The following CUX1 variants were observed in gnomAD, a reference collection of about 807,000 sequenced individuals.
CUX1 encodes the protein protein CASP.
Under a neutral mutation model 158.8 loss-of-function variants are expected in CUX1, and 31 were observed. That is an observed-to-expected ratio of 0.20 (90% confidence interval 0.15 to 0.26). The LOEUF is 0.26. Among genes scored for constraint, CUX1 ranks in the 10% least tolerant of loss-of-function variants. The pLI is 1.00. For synonymous variants in CUX1, 879 were observed against 862.1 expected (o/e 1.02, Z -0.34); for missense variants, 1,589 against 2,014.6 (o/e 0.79, Z 4.04).
intron 2 of CUX1, among the ~76,000 whole-genome samples, chr7:102,008,765 C>T (rs1175754166): frequency 6.6e-6 from 1 of 152,202 alleles, no homozygotes; most frequent in East Asian, 1.9e-4. Flanking sequence ...AAACTGCCTA[C>T]TTACGATGAA....
chr7:102,104,539 G>A (rs1830135279), intron 6 of CUX1, 80 bp downstream of exon 6: 1 of 1,538,568 alleles, frequency 6.5e-7, no homozygotes, highest in African/African-American at 1.4e-5. Flanking sequence ...GTTGATAAAT[G>A]GATCTGCAAA....
At chr7:102,082,746 G>A (rs1411457484) in intron 4 of CUX1, among the ~76,000 whole-genome samples, 5 of 147,188 alleles carry the variant, frequency 3.4e-5, no homozygotes, top group East Asian at 1.9e-4. Context: ...TTCACTCAGC[G>A]CGGTGTTTTG....
chr7:102,050,684 T>TTTATTATTATTA (rs149429897), intron 3 of CUX1, among the ~76,000 whole-genome samples: 393 of 147,552 alleles, frequency 2.7e-3, no homozygotes, highest in African/African-American at 8.9e-3. Flanking sequence ...GTGAATTCTT[T>TTTATTATTATTA]TTATTATTAT....
rs1277226967 is a variant in CUX1, at chr7:102,253,646, CA to C, written c.*4605del. 1.0e-6 allele frequency: 1 copy of C among 984,884 alleles called. No homozygotes were observed. Among genetic ancestry groups the C allele is most frequent in the Admixed American group, 6.2e-5 (1 of 16,252 alleles). 61.0% of individuals were successfully genotyped at this position (984,884 alleles called of 1,614,324 possible). ...TGTCCTTCTGGGAGTCACACAAAAG[CA>C]GAGAGATTTTGAACTGAGGGGCGAC... On this transcript the variant is annotated 3_prime_UTR_variant, in exon 24 of 24. Coordinates refer to ENST00000292535, the MANE Select transcript of CUX1 (RefSeq NM_181552.4).
rs1798255691 is a variant in CUX1 at position 101,869,502 on chromosome 7, A to T, written c.31-46613A>T. 6.7e-6 allele frequency among the ~76,000 whole-genome samples: 1 copy of T among 150,216 alleles called. No homozygotes were observed. The highest frequency in any genetic ancestry group is 1.5e-5 in the Non-Finnish European group (1 of 67,668). The stretch of plus-strand genomic sequence containing the variant: ...GATGGAATTTAAAGGCAAGAGCTGG[A>T]GGCCCAGGGCTGAGGCTGTGGGGTG... On this transcript the variant is annotated intron_variant, in intron 1 of 23. Coordinates refer to ENST00000292535, the MANE Select transcript of CUX1 (RefSeq NM_181552.4). This position sits in a 1 kb window ranked among gnomAD's most constrained non-coding sequence, Gnocchi z 4.5.
intron 1 of CUX1, among the ~76,000 whole-genome samples, chr7:101,863,304 T>C (rs1797645259): frequency 6.6e-6 from 1 of 151,840 alleles, no homozygotes; most frequent in Non-Finnish European, 1.5e-5. Context: ...AGAGTCCCGC[T>C]GGGACTGGTT....
chr7:102,080,080 G>T (rs1170754529), intron 4 of CUX1, among the ~76,000 whole-genome samples: 1 of 152,182 alleles, frequency 6.6e-6, no homozygotes, highest in Non-Finnish European at 1.5e-5. Context: ...AGACAAGCAG[G>T]CATGACAAGA....
chr7:102,277,193 G>T (rs2132823994), intron 17 of CUX1, among the ~76,000 whole-genome samples: 1 of 152,244 alleles, frequency 6.6e-6, no homozygotes. Flanking sequence ...AGCTACCTGG[G>T]AGGCTGAGAT....
intron 8 of CUX1, chr7:102,115,497 C>T (rs1831350390): frequency 2.3e-6 from 1 of 434,464 alleles, no homozygotes; most frequent in Non-Finnish European, 4.0e-6. Flanking sequence ...CACTGCTATG[C>T]CTTCTGCCAT....
chr7:102,155,137 T>C (rs190446531), intron 8 of CUX1, among the ~76,000 whole-genome samples: 71 of 152,294 alleles, frequency 4.7e-4, no homozygotes, highest in Non-Finnish European at 8.5e-4. Context: ...TCTGAAACAC[T>C]AGTGGAGCTA....
intron 11 of CUX1, among the ~76,000 whole-genome samples, chr7:102,185,668 T>C (rs1357177507): frequency 6.6e-6 from 1 of 151,660 alleles, no homozygotes. Context: ...TGAACTCCTA[T>C]GCTCAAGCGA....
At chr7:102,150,655 T>C (rs148194297) in intron 8 of CUX1, among the ~76,000 whole-genome samples, 2 of 152,340 alleles carry the variant, frequency 1.3e-5, no homozygotes, top group East Asian at 3.9e-4. Context: ...CCCAGGAGGC[T>C]TGCGTGAAAG....
At chr7:101,976,900 ATTT>A (rs10643207) in intron 2 of CUX1, among the ~76,000 whole-genome samples, 1 of 39,460 alleles carries the variant, frequency 2.5e-5, no homozygotes, top group Non-Finnish European at 4.2e-5. Flanking sequence ...TCCCTTTCTG[ATTT>A]TTTTTTTTTT....
chr7:101,842,048 A>G (rs780824258), intron 1 of CUX1, among the ~76,000 whole-genome samples: 13 of 152,058 alleles, frequency 8.5e-5, no homozygotes, highest in Non-Finnish European at 1.2e-4. Flanking sequence ...TCTTTAACCT[A>G]AGGGTTATTT....
At chr7:102,279,158 T>C (rs1250353361) in intron 18 of CUX1, among the ~76,000 whole-genome samples, 13 of 152,020 alleles carry the variant, frequency 8.6e-5, no homozygotes, top group African/African-American at 2.7e-4. Context: ...CTGGCCAACA[T>C]AGTGAAACCC....
chr7:102,276,074 C>A (rs1248945263), intron 17 of CUX1, among the ~76,000 whole-genome samples: 1 of 151,856 alleles, frequency 6.6e-6, no homozygotes, highest in African/African-American at 2.4e-5. Context: ...ATATAGACCA[C>A]ATTTTGTTTA....
intron 2 of CUX1, among the ~76,000 whole-genome samples, chr7:101,997,495 C>G (rs774884782): frequency 1.1e-4 from 16 of 151,440 alleles, no homozygotes; most frequent in African/African-American, 3.7e-4. Context: ...AGGTGCCCAC[C>G]ACCACGCCTG....
intron 8 of CUX1, among the ~76,000 whole-genome samples, chr7:102,141,245 T>C (rs1216099803): frequency 1.3e-5 from 2 of 152,184 alleles, no homozygotes; most frequent in Non-Finnish European, 2.9e-5. Flanking sequence ...GGATGCTGTC[T>C]TTCCTATGAA....
chr7:102,269,117 TTTTTGTTTG>T (rs1791021111), intron 14 of CUX1, among the ~76,000 whole-genome samples: 1 of 55,002 alleles, frequency 1.8e-5, no homozygotes, highest in African/African-American at 9.8e-5. Flanking sequence ...TGTGTGGGTT[TTTTTGTTTG>T]TTTGTTTGTT....
Sources: gnomAD v4.1 joint callset for allele counts (sites outside exome capture counted in the v4.1 genomes callset) on GRCh38, gnomAD v4.1.1 for gene constraint, Gnocchi (gnomAD v3.1) non-coding constraint, MANE v1.5 for transcripts, NCBI Gene and HGNC (gene_info 2026-07-23, HGNC 2026-07-21) for gene names.